The following MCM5 variants were observed in gnomAD, a reference collection of about 807,000 sequenced individuals.
MCM5 encodes the protein minichromosome maintenance complex component 5.
In MCM5, 46 loss-of-function variants were observed where a neutral mutation model predicts 79.9. That is an observed-to-expected ratio of 0.58 (90% CI 0.45 to 0.74). MCM5 has a LOEUF of 0.74. MCM5 is among the 30% of genes least tolerant of loss of function. The pLI is 0.00. For missense variants in MCM5, 883 were observed against 1,017.0 expected (o/e 0.87, Z 1.79); for synonymous variants, 404 against 390.5 (o/e 1.03, Z -0.41).
intron 9 of MCM5, 39 bp downstream of exon 9, chr22:35,414,025 G>GCCTTCCTCCCTGCAA: frequency 7.0e-7 from 1 of 1,436,286 alleles, no homozygotes; most frequent in Non-Finnish European, 9.8e-7. Flanking sequence ...TTGGCTTGCA[G>GCCTTCCTCCCTGCAA]GGAGGAAGGC....
intron 5 of MCM5, among the ~76,000 whole-genome samples, chr22:35,407,210 C>T (rs1223968877): frequency 6.6e-6 from 1 of 152,170 alleles, no homozygotes; most frequent in Admixed American, 6.5e-5. Context: ...TTGCTGCCCC[C>T]AGTCTGAAGG....
the MCM5 span, among the ~76,000 whole-genome samples, chr22:35,432,607 C>T: frequency 6.6e-6 from 1 of 152,210 alleles, no homozygotes; most frequent in Non-Finnish European, 1.5e-5. Flanking sequence ...CCCATGTAGT[C>T]AGGTGAATAA....
At chr22:35,443,501 A>G in the MCM5 span, among the ~76,000 whole-genome samples, 1 of 152,080 alleles carries the variant, frequency 6.6e-6, no homozygotes, top group Non-Finnish European at 1.5e-5. Flanking sequence ...AAGGTGCAAA[A>G]TTTGTGCAAG....
At chr22:35,454,966 G>A in the MCM5 span, among the ~76,000 whole-genome samples, 5 of 152,058 alleles carry the variant, frequency 3.3e-5, no homozygotes, top group South Asian at 8.3e-4. Flanking sequence ...GGCCCTGGTC[G>A]AGAACTACTG....
chr22:35,410,408 T>C, intron 6 of MCM5: 1 of 334,076 alleles, frequency 3.0e-6, no homozygotes, highest in Non-Finnish European at 5.9e-6. Context: ...CACGTGGAGA[T>C]GGGGCTTTTG....
intron 4 of MCM5, 135 bp from the exon 5 acceptor site, chr22:35,406,418 G>T: frequency 1.3e-6 from 1 of 765,528 alleles, no homozygotes; most frequent in Non-Finnish European, 2.1e-6. Context: ...TTTTTGAGCG[G>T]AACAGAAGAG....
the MCM5 span, among the ~76,000 whole-genome samples, chr22:35,432,283 CTG>C: frequency 6.6e-6 from 1 of 152,288 alleles, no homozygotes; most frequent in East Asian, 1.9e-4. Flanking sequence ...AACAAGTGCT[CTG>C]TGATATTTCA....
chr22:35,426,105 T>C (rs939818649), downstream of MCM5, among the ~76,000 whole-genome samples: 1 of 151,818 alleles, frequency 6.6e-6, no homozygotes, highest in African/African-American at 2.4e-5. Flanking sequence ...TTCCCAGGGG[T>C]AGGTGGCCTG....
chr22:35,418,686 T>TACACAC (rs34663823), intron 13 of MCM5, among the ~76,000 whole-genome samples: 3,487 of 149,282 alleles, frequency 0.023, 56 homozygotes, highest in Non-Finnish European at 0.033. Flanking sequence ...TATATATGTG[T>TACACAC]ACACACACAC....
downstream of MCM5, among the ~76,000 whole-genome samples, chr22:35,429,656 C>G (rs149267301): frequency 6.6e-6 from 1 of 152,096 alleles, no homozygotes; most frequent in Non-Finnish European, 1.5e-5. Flanking sequence ...CTGCCCCAGG[C>G]TCCCGAGTAG....
At chr22:35,422,463 T>TTGGGTGAGGAATGGGG (rs1325582809) in intron 15 of MCM5, 1 of 152,336 alleles carries the variant, frequency 6.6e-6, no homozygotes, top group African/African-American at 2.4e-5. Context: ...GGGGAGGCAC[T>TTGGGTGAGGAATGGGG]TGGGTGAGGA....
At chr22:35,419,319 G>A (rs1932631436) in intron 13 of MCM5, among the ~76,000 whole-genome samples, 1 of 152,182 alleles carries the variant, frequency 6.6e-6, no homozygotes, top group South Asian at 2.1e-4. Context: ...GTTGGCCTGG[G>A]GGCTAGAGGG....
chr22:35,400,792 A>C (rs1181836584), intron 2 of MCM5, among the ~76,000 whole-genome samples, 187 bp downstream of exon 2: 1 of 151,002 alleles, frequency 6.6e-6, no homozygotes, highest in Non-Finnish European at 1.5e-5. Flanking sequence ...ATTTTGTTTT[A>C]CTTTATTTTA....
chr22:35,416,019 G>C (rs1455647581), intron 10 of MCM5, 47 bp downstream of exon 10: 2 of 1,593,170 alleles, frequency 1.3e-6, no homozygotes, highest in Non-Finnish European at 1.7e-6. Context: ...GTGGCACCAG[G>C]GTATGTGACT....
chr22:35,427,923 C>T (rs1415196619), downstream of MCM5, among the ~76,000 whole-genome samples: 1 of 151,792 alleles, frequency 6.6e-6, no homozygotes, highest in African/African-American at 2.4e-5. Flanking sequence ...TCCTGTAATC[C>T]CAGCACTTTA....
chr22:35,430,476 G>T, the MCM5 span, among the ~76,000 whole-genome samples: 1 of 151,136 alleles, frequency 6.6e-6, no homozygotes. Flanking sequence ...TTTTGGGCCT[G>T]GAGCCCCAAA....
intron 15 of MCM5, chr22:35,421,744 T>C (rs1932700941): frequency 2.1e-6 from 1 of 472,492 alleles, no homozygotes; most frequent in African/African-American, 2.0e-5. Flanking sequence ...GAACAACAGT[T>C]GATGCTCTGC....
In MCM5 at chr22:35,416,322, C is replaced by T. The variant is rs1288838617; in HGVS notation, c.1348-17C>T. ...CACTTCAGTAGGTCTGATGATATTTCTCTCTTCCCCACTTAGATGCGAGAA... is the reference window on the plus strand; with the variant it reads ...CACTTCAGTAGGTCTGATGATATTTTTCTCTTCCCCACTTAGATGCGAGAA... On this transcript the variant is annotated splice_polypyrimidine_tract_variant and intron_variant, in intron 10 of 16. Coordinates refer to ENST00000216122, the MANE Select transcript of MCM5 (RefSeq NM_006739.4). 1.9e-6 allele frequency: 3 copies of T among 1,612,646 alleles called. No homozygotes were observed. The highest frequency in any genetic ancestry group is 2.5e-6 in the Non-Finnish European group (3 of 1,178,954).
chr22:35,454,224 C>T, the MCM5 span, among the ~76,000 whole-genome samples: 1 of 152,128 alleles, frequency 6.6e-6, no homozygotes, highest in Non-Finnish European at 1.5e-5. Flanking sequence ...TGCTCCCCTT[C>T]CAAGTCTGCA....
Sources: allele counts gnomAD v4.1 joint callset (sites outside exome capture counted in the v4.1 genomes callset), GRCh38; gene constraint gnomAD v4.1.1; transcripts MANE v1.5; gene names NCBI Gene and HGNC (gene_info 2026-07-23, HGNC 2026-07-21).